LARP1: variants seen among roughly 807,000 people sequenced by gnomAD.
The protein encoded by LARP1 is La ribonucleoprotein 1, translational regulator.
In LARP1, 36 loss-of-function variants were observed where a neutral mutation model predicts 122.7. That is an observed-to-expected ratio of 0.29 (90% CI 0.22 to 0.39). The LOEUF (loss-of-function observed/expected upper bound fraction) is 0.39. LARP1 is among the 10% of genes least tolerant of loss of function. LARP1 has a pLI of 1.00. For missense variants in LARP1, 1,040 were observed against 1,403.6 expected (o/e 0.74, Z 4.14); for synonymous variants, 539 against 528.7 (o/e 1.02, Z -0.27).
chr5:154,790,632 A>T lies in LARP1; in HGVS notation c.499-13A>T, dbSNP rs746368338. 6.2e-7 allele frequency: 1 copy of T among 1,613,924 alleles called. No homozygotes were observed. The highest frequency in any genetic ancestry group is 1.1e-5 in the South Asian group (1 of 91,074). On this transcript the variant is annotated splice_polypyrimidine_tract_variant and intron_variant, in intron 2 of 18. Transcript: ENST00000518297. ...GTCACTCCTGGGGCCCTCATAGTGT[A>T]TGTTCCCTGCAGGTTGGTGACTTTG...
In LARP1 at chr5:154,794,084, C is replaced by T; in HGVS notation, c.1070-16C>T. ...CAGGAATCTCCTCTCCCTCATGGCA[C>T]CCGTTTCCCCCATAGCCCATTTTGA... On this transcript the variant is annotated splice_polypyrimidine_tract_variant and intron_variant, in intron 6 of 18. Transcript: ENST00000518297. 1.2e-6 allele frequency: 2 copies of T among 1,613,850 alleles called. No homozygotes were observed. Among genetic ancestry groups the T allele is most frequent in the Non-Finnish European group, 1.7e-6 (2 of 1,179,828 alleles).
intron 4 of LARP1, 28 bp downstream of exon 4, chr5:154,792,824 G>T: frequency 6.2e-7 from 1 of 1,608,950 alleles, no homozygotes; most frequent in Non-Finnish European, 8.5e-7. Flanking sequence ...GGACTTGGGA[G>T]AAGGTGGCAG....
chr5:154,805,791 T>C, intron 14 of LARP1, 90 bp from the exon 15 acceptor site: 7 of 1,387,696 alleles, frequency 5.0e-6, no homozygotes, highest in Non-Finnish European at 6.9e-6. Context: ...GGATGGATCT[T>C]GGCTGACAGA....
upstream of LARP1, among the ~76,000 whole-genome samples, chr5:154,754,830 A>AG (rs1262617578): frequency 6.6e-6 from 1 of 151,920 alleles, no homozygotes; most frequent in Non-Finnish European, 1.5e-5. Context: ...GGCACAGGGG[A>AG]GGGGGCGGCG....
exon 1 of LARP1, chr5:154,713,026 G>A (rs1266879366): frequency 6.2e-7 from 1 of 1,614,196 alleles, no homozygotes. Context: ...AGACTCCCAG[G>A]GAGGAAAAAC....
upstream of LARP1, among the ~76,000 whole-genome samples, chr5:154,709,872 A>G (rs1755132307): frequency 6.6e-6 from 1 of 152,112 alleles, no homozygotes; most frequent in African/African-American, 2.4e-5. Flanking sequence ...TCTCTGTGCA[A>G]TCAAACCTCT....
At chr5:154,774,673 A>G (rs892088949) in intron 1 of LARP1, among the ~76,000 whole-genome samples, 7 of 151,846 alleles carry the variant, frequency 4.6e-5, no homozygotes, top group Non-Finnish European at 1.0e-4. Flanking sequence ...TTGCTCTGGG[A>G]TGTTCTCTGC....
rs758577381 is a variant in LARP1 at position 154,793,742 on chromosome 5, G to A, written c.868+19G>A. ...ATCAAAGGTATGCACTACCCACTATGGAGGGCCTGGACTTGGGAGACACCC... is the reference window on the plus strand; with the variant it reads ...ATCAAAGGTATGCACTACCCACTATAGAGGGCCTGGACTTGGGAGACACCC... On this transcript the variant is annotated intron_variant, in intron 5 of 18. Transcript: ENST00000518297. 6.2e-7 allele frequency: 1 copy of A among 1,614,158 alleles called. No homozygotes were observed. The highest frequency in any genetic ancestry group is 1.7e-5 in the Admixed American group (1 of 60,024).
Position 154,776,465 on chromosome 5 carries a change from GTAAT to G in LARP1, c.437-13858_437-13855del, listed in dbSNP as rs1304591731. On this transcript the variant is annotated intron_variant, in intron 1 of 18. Coordinates refer to ENST00000518297, the MANE Select transcript of LARP1 (RefSeq NM_033551.3). ...TCTCTTCTGGCTGCTGTTTGTGTGT[GTAAT>G]TGAAACTACCTGCTCTTGTAAACCA... Among the ~76,000 whole-genome samples, 5 of 152,284 alleles carry G rather than the reference GTAAT, an allele frequency of 3.3e-5. No individual in the cohort carries two copies. The East Asian group carries it at 9.6e-4, about 29-fold the overall frequency.
At chr5:154,759,580 G>T (rs1426517572) in intron 1 of LARP1, among the ~76,000 whole-genome samples, 3 of 152,200 alleles carry the variant, frequency 2.0e-5, no homozygotes, top group Admixed American at 6.5e-5. Flanking sequence ...TTGCACGTGT[G>T]CTCTCAGGGA....
At chr5:154,771,000 T>C (rs536250854) in intron 1 of LARP1, among the ~76,000 whole-genome samples, 124 of 151,990 alleles carry the variant, frequency 8.2e-4, no homozygotes, top group Middle Eastern at 6.8e-3. Context: ...TAATCCCAGC[T>C]ACTCGGGTGG....
intron 1 of LARP1, among the ~76,000 whole-genome samples, chr5:154,721,364 A>G (rs1026403083): frequency 9.0e-5 from 10 of 111,312 alleles, no homozygotes; most frequent in African/African-American, 3.2e-4. Context: ...AAAAAAAAAA[A>G]AAAAAAAGTG....
At position 154,817,000 on chromosome 5, in the gene LARP1, T is replaced by C. The variant is rs1759714228; in HGVS notation, c.*2904T>C. 1 of 151,976 alleles carries C rather than the reference T, an allele frequency of 6.6e-6. No homozygotes were observed. Among genetic ancestry groups the C allele is most frequent in the Admixed American group, 6.6e-5 (1 of 15,254 alleles). The allele number at this position is 151,976 out of a possible 1,614,324, so 9.4% of individuals were successfully genotyped here. A position where few individuals can be genotyped will look rare whatever the true frequency, so the allele number is the denominator to read the frequency against. On this transcript the variant is annotated 3_prime_UTR_variant, in exon 19 of 19. Coordinates refer to ENST00000518297, the MANE Select transcript of LARP1 (RefSeq NM_033551.3). ...TGTCAAAGTTGTTAAATGTTTTTGT[T>C]TTGTTCCATTGTAGCTCTTTTTTTT... is the stretch of plus-strand genomic sequence containing the variant.
chr5:154,755,345 T>C (rs1166990706), upstream of LARP1, among the ~76,000 whole-genome samples: 1 of 149,318 alleles, frequency 6.7e-6, no homozygotes, highest in Non-Finnish European at 1.5e-5. Context: ...GATCGCGTGG[T>C]CTGCTTGGCT....
At chr5:154,801,139 T>C (rs1758317283) in intron 10 of LARP1, among the ~76,000 whole-genome samples, 1 of 152,206 alleles carries the variant, frequency 6.6e-6, no homozygotes, top group African/African-American at 2.4e-5. Flanking sequence ...ATACTGTGGG[T>C]TTAGACAAAT....
chr5:154,756,419 C>T (rs1209561195), intron 1 of LARP1: 4 of 994,568 alleles, frequency 4.0e-6, no homozygotes, highest in Non-Finnish European at 4.8e-6. Context: ...CTACGGCCAC[C>T]GCCTGGGCCG....
At chr5:154,712,649 G>GTGGA (rs1755272942), upstream of LARP1, among the ~76,000 whole-genome samples, 1 of 152,208 alleles carries the variant, frequency 6.6e-6, no homozygotes, top group South Asian at 2.1e-4. Context: ...GACCAGGGCT[G>GTGGA]TGGAGGAGGG....
At chr5:154,757,836 C>A (rs1185142220) in intron 1 of LARP1, among the ~76,000 whole-genome samples, 1 of 47,226 alleles carries the variant, frequency 2.1e-5, no homozygotes, top group Non-Finnish European at 3.9e-5. Flanking sequence ...TCCCCTTCCC[C>A]CCTGCTCCCC....
At chr5:154,720,192 A>AAAT (rs999862940) in intron 1 of LARP1, among the ~76,000 whole-genome samples, 3 of 136,368 alleles carry the variant, frequency 2.2e-5, no homozygotes, top group Non-Finnish European at 5.1e-5. Context: ...CTCTGTCTCA[A>AAAT]AATAATAATA....
Sources: gnomAD v4.1 joint callset for allele counts (sites outside exome capture counted in the v4.1 genomes callset) on GRCh38, gnomAD v4.1.1 for gene constraint, MANE v1.5 for transcripts, NCBI Gene and HGNC (gene_info 2026-07-23, HGNC 2026-07-21) for gene names.